TAF1B: variants seen among roughly 807,000 people sequenced by gnomAD.
TAF1B encodes TATA-box binding protein associated factor, RNA polymerase I subunit B, also known as TATA box-binding protein-associated factor RNA polymerase I subunit B.
A neutral mutation model predicts 83.9 loss-of-function variants in TAF1B; 61 were observed. That is an observed-to-expected ratio of 0.73 (90% confidence interval 0.59 to 0.90). The LOEUF is 0.90. Among genes scored for constraint, TAF1B ranks in the 40% least tolerant of loss-of-function variants. The pLI is 0.00. For synonymous variants in TAF1B, 221 were observed against 224.6 expected, an observed-to-expected ratio of 0.98 and a Z score of 0.14; for missense variants, 625 against 677.0, an observed-to-expected ratio of 0.92 and a Z score of 0.85.
At chr2:9,872,551 C>G (rs1664199784) in intron 6 of TAF1B, among the ~76,000 whole-genome samples, 2 of 152,154 alleles carry the variant, frequency 1.3e-5, no homozygotes, top group South Asian at 4.1e-4. Context: ...AATCACCTAT[C>G]TGTATGCTTT....
Position 9,913,144 on chromosome 2 carries a change from T to C in TAF1B, c.1181-15T>C, listed in dbSNP as rs1665583238. 6.3e-7 allele frequency: 1 copy of C among 1,585,420 alleles called. No individual in the cohort carries two copies. Among genetic ancestry groups the C allele is most frequent in the East Asian group, 2.2e-5 (1 of 44,716 alleles). ...GGTTTATTTGGTTAATAATCTTGGATTTTATTTCTTTCAGATAAGCCATGG... is the reference window on the plus strand; with the variant it reads ...GGTTTATTTGGTTAATAATCTTGGACTTTATTTCTTTCAGATAAGCCATGG... On this transcript the variant is annotated splice_polypyrimidine_tract_variant and intron_variant, in intron 11 of 14. Coordinates refer to ENST00000263663, the MANE Select transcript of TAF1B (RefSeq NM_005680.3).
intron 3 of TAF1B, 86 bp downstream of exon 3, chr2:9,849,546 T>A: frequency 9.6e-7 from 1 of 1,045,384 alleles, no homozygotes; most frequent in Non-Finnish European, 1.3e-6. Context: ...GAATTTTAAG[T>A]AGGTTCTAGA....
intron 9 of TAF1B, among the ~76,000 whole-genome samples, chr2:9,905,754 C>T (rs533711905): frequency 4.6e-5 from 7 of 152,128 alleles, no homozygotes; most frequent in African/African-American, 1.7e-4. Context: ...GAGTAAAATA[C>T]ATGTGTTATG....
chr2:9,921,416 AT>A (rs1460455087), intron 14 of TAF1B, among the ~76,000 whole-genome samples: 1 of 152,154 alleles, frequency 6.6e-6, no homozygotes, highest in East Asian at 1.9e-4. Context: ...GACTCAGAAA[AT>A]TTCCTCAGGC....
At chr2:9,928,576 TC>T (rs1333158140) in intron 14 of TAF1B, among the ~76,000 whole-genome samples, 21 of 152,376 alleles carry the variant, frequency 1.4e-4, no homozygotes, top group African/African-American at 4.3e-4. Flanking sequence ...ATCCTTCACA[TC>T]CCTTGTAAGT....
intron 2 of TAF1B, among the ~76,000 whole-genome samples, chr2:9,847,934 T>C (rs1663259689): frequency 6.6e-6 from 1 of 152,254 alleles, no homozygotes; most frequent in African/African-American, 2.4e-5. Context: ...AAAATACTTT[T>C]ATCTAAACAT....
chr2:9,898,170 T>C (rs72782668), intron 8 of TAF1B, among the ~76,000 whole-genome samples: 11,298 of 152,260 alleles, frequency 0.074, 516 homozygotes, highest in Middle Eastern at 0.15. Context: ...AGCAATTTCA[T>C]TAATCTCTAG....
chr2:9,918,982 AATGTGTTT>A (rs1458488767), intron 12 of TAF1B, 51 bp from the exon 13 acceptor site: 1 of 1,386,616 alleles, frequency 7.2e-7, no homozygotes, highest in East Asian at 2.3e-5. Flanking sequence ...TGCTTCAGAC[AATGTGTTT>A]ATGTCCGTTT....
In TAF1B at chr2:9,910,761, C is replaced by T. The variant is rs146568033; in HGVS notation, c.981C>T (p.His327=). The T allele has an allele frequency of 5.0e-6, 8 of 1,610,984 alleles. No homozygotes were observed. Among genetic ancestry groups the T allele is most frequent in the East Asian group, 2.2e-5 (1 of 44,840 alleles). The part of the protein sequence containing the change: ...LPDEMHSLTC[H]VVKMTGMGEV... ...ATGAAATGCATAGCTTAACTTGCCA[C>T]GTGGTAAAAATGACTGGAATGGGAG... Residue 327 remains histidine, a synonymous_variant, in exon 10 of 15, where the codon CAC becomes CAT. Coordinates refer to ENST00000263663, the MANE Select transcript of TAF1B (RefSeq NM_005680.3).
At chr2:9,894,204 T>A (rs1664953220) in intron 8 of TAF1B, among the ~76,000 whole-genome samples, 1 of 151,626 alleles carries the variant, frequency 6.6e-6, no homozygotes, top group Admixed American at 6.6e-5. Context: ...TGTTTATTGA[T>A]TACATGATTT....
At position 9,913,230 on chromosome 2, in the gene TAF1B, T is replaced by C. The variant is rs78987180; in HGVS notation, c.1252T>C (p.Trp418Arg). 637 of 1,613,506 alleles carry C rather than the reference T, an allele frequency of 3.9e-4. 3 individuals carry two copies. The East Asian group carries it at 9.8e-3, about 25-fold the overall frequency. Reference protein sequence around the residue: ...KKAFDEKKQKWEEARAKYLWK... With the variant: ...KKAFDEKKQKREEARAKYLWK... ...AGCTTTTGATGAGAAAAAACAAAAA[T>C]GGGAAGAAGCAAGGGCCAAGTATGT... The change falls in exon 12 of 15, where the codon TGG becomes CGG. Residue 418 changes from tryptophan (W) to arginine (R), a missense_variant. Physicochemically the swap from Trp to Arg is moderately radical, Grantham distance 101 (BLOSUM62 -3). Transcript: ENST00000263663.
intron 14 of TAF1B, among the ~76,000 whole-genome samples, chr2:9,926,465 G>A (rs1666042239): frequency 6.6e-6 from 1 of 152,122 alleles, no homozygotes; most frequent in Admixed American, 6.5e-5. Flanking sequence ...CAGATTTTGT[G>A]TATAGACAGT....
chr2:9,919,648 G>A lies in TAF1B; in HGVS notation c.1393G>A (p.Ala465Thr), dbSNP rs1665807448. ...KQFSTLVESTATAGKKSPSSF... is the reference protein window; with the variant it reads ...KQFSTLVESTTTAGKKSPSSF... ...ATTTAGCACACTGGTCGAGTCAACA[G>A]CAACTGCTGGAAAAAAAAGCCCTTC... The change falls in exon 14 of 15, where the codon GCA (alanine) becomes ACA (threonine). Residue 465 changes from alanine (A) to threonine (T), a missense_variant. Transcript: ENST00000263663. The A allele has an allele frequency of 1.2e-6, 2 of 1,613,990 alleles. No individual in the cohort carries two copies. The highest frequency in any genetic ancestry group is 1.7e-6 in the Non-Finnish European group (2 of 1,180,036).
intron 8 of TAF1B, among the ~76,000 whole-genome samples, chr2:9,903,337 G>A (rs954585249): frequency 6.6e-6 from 1 of 152,012 alleles, no homozygotes; most frequent in African/African-American, 2.4e-5. Context: ...CGCCCGGCTC[G>A]GCCTCCCAAA....
Position 9,849,362 on chromosome 2 carries a change from C to G in TAF1B, c.118-11C>G, listed in dbSNP as rs1436022045. On this transcript the variant is annotated splice_polypyrimidine_tract_variant and intron_variant, in intron 2 of 14. Transcript: ENST00000263663. ...CGATCTTTTTTAATGGTCTTTTTCT[C>G]TTTCCTGCAGAGATATCAGGAAGTT... The G allele has an allele frequency of 3.8e-6, 6 of 1,573,254 alleles. No individual in the cohort carries two copies. Among genetic ancestry groups the G allele is most frequent in the Non-Finnish European group, 5.2e-6 (6 of 1,160,460 alleles).
chr2:9,931,707 G>T (rs891213505), intron 14 of TAF1B, among the ~76,000 whole-genome samples: 2 of 152,168 alleles, frequency 1.3e-5, no homozygotes, highest in African/African-American at 4.8e-5. Context: ...GAAGTTGAAT[G>T]TTGGCCTGCC....
At chr2:9,876,170 T>C in intron 7 of TAF1B, 152 bp downstream of exon 7, 2 of 717,018 alleles carry the variant, frequency 2.8e-6, no homozygotes, top group African/African-American at 3.5e-5. Context: ...TGAAATGTAA[T>C]CCCCCCTGGG....
At chr2:9,849,293 A>C in intron 2 of TAF1B, 80 bp from the exon 3 acceptor site, 1 of 1,131,430 alleles carries the variant, frequency 8.8e-7, no homozygotes. Context: ...GGTTTATTAT[A>C]CTTTCCAGAA....
chr2:9,860,631 G>A (rs1346458420), intron 5 of TAF1B, among the ~76,000 whole-genome samples: 5 of 152,130 alleles, frequency 3.3e-5, no homozygotes, highest in African/African-American at 1.2e-4. Flanking sequence ...GATAAAAGAG[G>A]AACTGGCAAA....
Sources: gnomAD v4.1 joint callset for allele counts (sites outside exome capture counted in the v4.1 genomes callset) on GRCh38, gnomAD v4.1.1 for gene constraint, MANE v1.5 for transcripts, NCBI Gene and HGNC (gene_info 2026-07-23, HGNC 2026-07-21) for gene names.